LRFN2: variants seen among roughly 807,000 people sequenced by gnomAD.
LRFN2 encodes the protein leucine rich repeat and fibronectin type III domain containing 2.
Under a neutral mutation model 37.3 loss-of-function variants are expected in LRFN2, and 18 were observed. The ratio of observed to expected loss-of-function variants is 0.48; its 90% CI spans 0.33 to 0.72. The LOEUF (loss-of-function observed/expected upper bound fraction) is 0.72. LRFN2 is among the 30% of genes least tolerant of loss of function. The pLI is 0.02. For synonymous variants in LRFN2, 556 were observed against 466.6 expected, an observed-to-expected ratio of 1.19 and a Z score of -2.47; for missense variants, 1,006 against 1,060.7, an observed-to-expected ratio of 0.95 and a Z score of 0.72.
intron 1 of LRFN2, chr6:40,501,506 T>A (rs2113876545): frequency 6.6e-6 from 1 of 151,948 alleles, no homozygotes; most frequent in East Asian, 1.9e-4. Context: ...TTTTTAATTT[T>A]TAGCAGAGAC....
chr6:40,496,294 C>A (rs1005481091), intron 1 of LRFN2, among the ~76,000 whole-genome samples: 7 of 152,132 alleles, frequency 4.6e-5, no homozygotes, highest in African/African-American at 1.7e-4. Flanking sequence ...CCACCTCCAA[C>A]GTGTCCTCCA....
At chr6:40,575,598 G>A (rs942424808) in intron 1 of LRFN2, among the ~76,000 whole-genome samples, 12 of 152,162 alleles carry the variant, frequency 7.9e-5, no homozygotes, top group African/African-American at 2.7e-4. Context: ...TCCTGCTGTT[G>A]CAAGGTCCCC....
intron 2 of LRFN2, among the ~76,000 whole-genome samples, chr6:40,406,076 G>A (rs1274035573): frequency 6.6e-6 from 1 of 152,160 alleles, no homozygotes; most frequent in Non-Finnish European, 1.5e-5. Context: ...CAGGAGGTGG[G>A]AATCCAGGCA....
intron 2 of LRFN2, among the ~76,000 whole-genome samples, chr6:40,407,170 G>A (rs1434049984): frequency 1.3e-5 from 2 of 152,206 alleles, no homozygotes; most frequent in Non-Finnish European, 2.9e-5. Context: ...TGTAAGGCCT[G>A]CCTCTCTCTC....
At chr6:40,521,149 A>T (rs1488789188) in intron 1 of LRFN2, among the ~76,000 whole-genome samples, 1 of 152,146 alleles carries the variant, frequency 6.6e-6, no homozygotes, top group Non-Finnish European at 1.5e-5. Flanking sequence ...AAAAGTGTGT[A>T]TGCCATAGTA....
intron 1 of LRFN2, among the ~76,000 whole-genome samples, chr6:40,477,556 T>A (rs547784555): frequency 5.3e-5 from 8 of 152,306 alleles, no homozygotes; most frequent in African/African-American, 1.9e-4. Flanking sequence ...AGGGGTCAAA[T>A]GAGGCTCCAG....
At chr6:40,402,011 A>C (rs1762750686) in intron 2 of LRFN2, among the ~76,000 whole-genome samples, 1 of 152,074 alleles carries the variant, frequency 6.6e-6, no homozygotes, top group African/African-American at 2.4e-5. Context: ...GAGATCTCAG[A>C]CTACATGACA....
In LRFN2 at chr6:40,571,708, G is replaced by C. The variant is rs543520645; in HGVS notation, c.-19+15233C>G. Among the ~76,000 whole-genome samples the C allele has an allele frequency of 2.8e-3, 424 of 152,366 alleles. 4 individuals are homozygous for C. The highest frequency in any genetic ancestry group is 9.4e-3 in the African/African-American group (393 of 41,592). ...TGGAGCCTCTGTGGCCCTCCTTTCT[G>C]CTGCCGTCACCACCAGCAGGTGGAT... On this transcript the variant is annotated intron_variant, in intron 1 of 2. Coordinates refer to ENST00000338305, the MANE Select transcript of LRFN2 (RefSeq NM_020737.3).
At position 40,431,873 on chromosome 6, in the gene LRFN2, C is replaced by T; in HGVS notation, c.1241G>A (p.Gly414Asp). The change falls in exon 2 of 3, where the codon GGC becomes GAC. Residue 414 changes from glycine (G) to aspartate (D), a missense_variant. Physicochemically the swap from Gly to Asp is moderately conservative, Grantham distance 94. This residue lies in a region of LRFN2 where 303 missense variants were observed against 299.8 expected (regional missense o/e 1.01). Transcript: ENST00000338305. ...KTSRGGGGSG[G>D]GEPPKSPPER... The stretch of plus-strand genomic sequence containing the variant: ...CGGGGGGCTTTTGGGAGGCTCTCCG[C>T]CCCCACTGCCTCCACCTCCCCGGCT... 6.9e-6 allele frequency: 11 copies of T among 1,602,538 alleles called. No homozygotes were observed. Among genetic ancestry groups the T allele is most frequent in the Non-Finnish European group, 8.5e-6 (10 of 1,173,070 alleles).
intron 1 of LRFN2, chr6:40,502,137 T>C (rs1765398712): frequency 6.6e-6 from 1 of 152,202 alleles, no homozygotes; most frequent in Non-Finnish European, 1.5e-5. Context: ...GCTACTTCAT[T>C]GAATGCCCAC....
chr6:40,504,957 C>A (rs186594371), intron 1 of LRFN2, among the ~76,000 whole-genome samples: 58 of 152,334 alleles, frequency 3.8e-4, no homozygotes, highest in African/African-American at 1.3e-3. Flanking sequence ...GATGGGCAAA[C>A]CCCTCACTCT....
At chr6:40,572,686 C>T (rs114338995) in intron 1 of LRFN2, among the ~76,000 whole-genome samples, 4,039 of 152,246 alleles carry the variant, frequency 0.027, 86 homozygotes, top group Admixed American at 0.039. Context: ...GCCTTAGAAG[C>T]CAGCCTGGCA....
intron 1 of LRFN2, among the ~76,000 whole-genome samples, chr6:40,533,664 C>T (rs957969196): frequency 1.3e-5 from 2 of 152,182 alleles, no homozygotes; most frequent in African/African-American, 2.4e-5. Flanking sequence ...AAAATAAAGG[C>T]AGAAGTAGCC....
Position 40,430,816 on chromosome 6 carries a change from G to A in LRFN2, c.1400+898C>T, listed in dbSNP as rs538469113. On this transcript the variant is annotated intron_variant, in intron 2 of 2. Transcript: ENST00000338305. ...TGATGCTACCTGTAAGACCCAGGGG[G>A]CTCACATGATGTGGTCTGACTCAGT... Among the ~76,000 whole-genome samples the A allele has an allele frequency of 1.1e-4, 16 of 152,244 alleles. No homozygotes were observed. The South Asian group carries it at 3.1e-3, about 30-fold the overall frequency.
At chr6:40,516,826 C>A (rs940794256) in intron 1 of LRFN2, among the ~76,000 whole-genome samples, 1 of 152,128 alleles carries the variant, frequency 6.6e-6, no homozygotes, top group Non-Finnish European at 1.5e-5. Context: ...AGAAATACAC[C>A]TCCCCTCTAT....
Position 40,541,338 on chromosome 6 carries a change from G to A in LRFN2, c.-19+45603C>T, listed in dbSNP as rs186218567. 1.1e-4 allele frequency among the ~76,000 whole-genome samples: 17 copies of A among 152,250 alleles called. 1 individual carries two copies. In the South Asian group the frequency reaches 2.9e-3, roughly 26 times the overall value. On this transcript the variant is annotated intron_variant, in intron 1 of 2. Transcript: ENST00000338305. ...GGGGCACACCTGTCCATTTTCAGTC[G>A]CCTCACATTCCCCAAGAGGACCTTC... is the stretch of plus-strand genomic sequence containing the variant.
chr6:40,561,210 G>A (rs150184273), intron 1 of LRFN2, among the ~76,000 whole-genome samples: 6 of 152,308 alleles, frequency 3.9e-5, no homozygotes, highest in African/African-American at 1.4e-4. Flanking sequence ...GTAATCCTCA[G>A]GGACTGGTCC....
intron 1 of LRFN2, among the ~76,000 whole-genome samples, chr6:40,475,435 G>C (rs545259815): frequency 2.4e-4 from 37 of 152,134 alleles, no homozygotes; most frequent in Non-Finnish European, 3.8e-4. Context: ...AGGAAGGTGT[G>C]GGGAGGGCAA....
At chr6:40,546,823 G>A (rs1766671670) in intron 1 of LRFN2, among the ~76,000 whole-genome samples, 1 of 152,194 alleles carries the variant, frequency 6.6e-6, no homozygotes, top group South Asian at 2.1e-4. Flanking sequence ...AACAGGCCTA[G>A]AGGCAAGGAG....
Sources: allele counts gnomAD v4.1 joint callset (sites outside exome capture counted in the v4.1 genomes callset), GRCh38; gene constraint gnomAD v4.1.1; regional missense constraint gnomAD v4.1.1; transcripts MANE v1.5; gene names NCBI Gene and HGNC (gene_info 2026-07-23, HGNC 2026-07-21).